The following HBS1L variants were observed in gnomAD, a reference collection of about 807,000 sequenced individuals.
The protein encoded by HBS1L is HBS1-like protein.
HBS1L carries 55 observed loss-of-function variants against 88.9 expected under a neutral mutation model. The ratio of observed to expected loss-of-function variants is 0.62; its 90% CI spans 0.50 to 0.77. HBS1L has a LOEUF of 0.77. Ranked by LOEUF, HBS1L falls within the 30% of genes least tolerant of loss-of-function variation. The pLI, the probability that HBS1L is intolerant of heterozygous loss-of-function variation, is 0.00. For synonymous variants in HBS1L, 267 were observed against 288.5 expected (o/e 0.93, Z 0.76); for missense variants, 741 against 829.3 (o/e 0.89, Z 1.31).
In HBS1L at chr6:134,978,866, C is replaced by G. The variant is rs544332464; in HGVS notation, c.1689-79G>C. 4 of 847,744 alleles carry G rather than the reference C, an allele frequency of 4.7e-6. No homozygotes were observed. The African/African-American group carries it at 5.2e-5, about 11-fold the overall frequency. 52.5% of individuals were successfully genotyped at this position (847,744 alleles called of 1,614,324 possible). ...AATAGAAAGACCTCAAAAACATTTA[C>G]AAGGAAAGTAAAACAATTAAGTAAA... On this transcript the variant is annotated intron_variant, in intron 14 of 17. Transcript: ENST00000367837.
In HBS1L at chr6:135,054,270, A is replaced by G. The variant is rs576229017; in HGVS notation, c.43+379T>C. On this transcript the variant is annotated intron_variant, in intron 1 of 17. Transcript: ENST00000367837. ...TACAAATAAGCAACGTTTCATGGAC[A>G]TTTCTCAAAGGGGATCTGGGAGAGA... Among the ~76,000 whole-genome samples the G allele has an allele frequency of 9.2e-5, 14 of 152,388 alleles. No individual in the cohort carries two copies. The East Asian group carries it at 2.7e-3, about 29-fold the overall frequency.
intron 15 of HBS1L, among the ~76,000 whole-genome samples, chr6:134,976,034 C>G (rs1774633902): frequency 6.6e-6 from 1 of 151,946 alleles, no homozygotes; most frequent in East Asian, 1.9e-4. Flanking sequence ...TATCCAGAAT[C>G]TACAAAAGAC....
intron 4 of HBS1L, among the ~76,000 whole-genome samples, chr6:135,015,149 C>A (rs890940699): frequency 1.9e-4 from 29 of 152,146 alleles, no homozygotes; most frequent in African/African-American, 7.0e-4. Context: ...TGAAGCAATT[C>A]AAGACCTAGA....
chr6:134,977,448 T>C (rs924490403), intron 15 of HBS1L, among the ~76,000 whole-genome samples: 22 of 152,068 alleles, frequency 1.4e-4, no homozygotes, highest in African/African-American at 5.1e-4. Context: ...GATCAATACA[T>C]GAATTCTGAA....
At chr6:135,052,132 T>C (rs957355145) in intron 1 of HBS1L, among the ~76,000 whole-genome samples, 1 of 152,202 alleles carries the variant, frequency 6.6e-6, no homozygotes, top group Non-Finnish European at 1.5e-5. Flanking sequence ...AGGAACAGCA[T>C]GCTCAAAGGC....
At chr6:134,983,125 T>C (rs1037518579) in intron 12 of HBS1L, 4 of 152,054 alleles carry the variant, frequency 2.6e-5, no homozygotes, top group African/African-American at 9.7e-5. Flanking sequence ...TAACCAAATG[T>C]GGGATGGGCT....
At chr6:135,018,070 T>C (rs561596551) in intron 4 of HBS1L, among the ~76,000 whole-genome samples, 2 of 151,830 alleles carry the variant, frequency 1.3e-5, no homozygotes, top group South Asian at 2.1e-4. Context: ...TGTTTCAATA[T>C]GCCAGTACAT....
At chr6:134,972,728 T>C (rs1307890451) in intron 15 of HBS1L, among the ~76,000 whole-genome samples, 2 of 152,126 alleles carry the variant, frequency 1.3e-5, no homozygotes, top group African/African-American at 2.4e-5. Flanking sequence ...CTTCTATTAA[T>C]AACAACACAA....
chr6:135,053,992 A>ATG (rs1777165410), intron 1 of HBS1L, among the ~76,000 whole-genome samples: 2 of 152,236 alleles, frequency 1.3e-5, no homozygotes, highest in African/African-American at 2.4e-5. Flanking sequence ...ACATTTCAAA[A>ATG]TACATTTATA....
chr6:134,984,739 T>C (rs1774931268), intron 12 of HBS1L, among the ~76,000 whole-genome samples: 1 of 152,210 alleles, frequency 6.6e-6, no homozygotes, highest in Admixed American at 6.5e-5. Context: ...ATTTAATATA[T>C]CATCTCTTCC....
chr6:135,023,583 A>C (rs1021681436), intron 4 of HBS1L, among the ~76,000 whole-genome samples: 6 of 152,216 alleles, frequency 3.9e-5, no homozygotes, highest in African/African-American at 1.4e-4. Flanking sequence ...AAACAATGCT[A>C]GAAAGAATAT....
intron 4 of HBS1L, among the ~76,000 whole-genome samples, chr6:135,006,850 C>T (rs1775628039): frequency 6.6e-6 from 1 of 151,908 alleles, no homozygotes; most frequent in Admixed American, 6.6e-5. Context: ...AGGAGACATC[C>T]TGACTGATTA....
chr6:135,041,473 C>T, intron 3 of HBS1L, among the ~76,000 whole-genome samples: 1 of 151,896 alleles, frequency 6.6e-6, no homozygotes, highest in East Asian at 1.9e-4. Context: ...TGCAAAAACT[C>T]AGAACCGATG....
chr6:135,036,930 TG>T, intron 4 of HBS1L: 1 of 1,551,682 alleles, frequency 6.4e-7, no homozygotes, highest in Non-Finnish European at 8.7e-7. Context: ...GAGCAATGGA[TG>T]GGTCTACTAC....
chr6:134,998,803 C>A (rs1775363592), intron 5 of HBS1L, among the ~76,000 whole-genome samples: 1 of 152,182 alleles, frequency 6.6e-6, no homozygotes, highest in African/African-American at 2.4e-5. Flanking sequence ...AGCCACATAT[C>A]CATTCTCATT....
rs1002711695 is a variant in HBS1L, at chr6:134,961,180, G to A, written c.*4099C>T. 6.9e-6 allele frequency: 1 copy of A among 145,782 alleles called. No individual in the cohort carries two copies. The highest frequency in any genetic ancestry group is 2.5e-5 in the African/African-American group (1 of 39,430). The allele number at this position is 145,782 out of a possible 1,614,324, so 9.0% of individuals were successfully genotyped here. ...AACATTCTTAAAACTTTGTTTTATG[G>A]GATTATCAGAGTAACAAAATAATGT... On this transcript the variant is annotated 3_prime_UTR_variant, in exon 18 of 18. Transcript: ENST00000367837.
chr6:134,984,036 C>T (rs1434826496), intron 12 of HBS1L, among the ~76,000 whole-genome samples: 1 of 152,080 alleles, frequency 6.6e-6, no homozygotes, highest in Non-Finnish European at 1.5e-5. Context: ...ATTTCATGAC[C>T]TCAGGAGGAA....
chr6:134,997,051 A>G, intron 6 of HBS1L, 109 bp from the exon 7 acceptor site: 1 of 800,462 alleles, frequency 1.2e-6, no homozygotes, highest in East Asian at 2.5e-5. Flanking sequence ...TTACAGTAAT[A>G]CCAGTATTTA....
At chr6:134,996,099 T>C (rs184513386) in intron 7 of HBS1L, among the ~76,000 whole-genome samples, 1 of 152,278 alleles carries the variant, frequency 6.6e-6, no homozygotes, top group South Asian at 2.1e-4. Context: ...TTTGACACAG[T>C]TGATATATCT....
Sources: allele counts gnomAD v4.1 joint callset (sites outside exome capture counted in the v4.1 genomes callset), GRCh38; gene constraint gnomAD v4.1.1; transcripts MANE v1.5; gene names NCBI Gene and HGNC (gene_info 2026-07-23, HGNC 2026-07-21).